The following PCOLCE2 variants were observed in gnomAD, a reference collection of about 807,000 sequenced individuals.
The protein encoded by PCOLCE2 is procollagen C-proteinase enhancer 2.
A neutral mutation model predicts 47.0 loss-of-function variants in PCOLCE2; 42 were observed. The ratio of observed to expected loss-of-function variants is 0.89; its 90% CI spans 0.70 to 1.16. PCOLCE2 has a LOEUF of 1.16. Among genes scored for constraint, PCOLCE2 ranks in the 50% most tolerant of loss-of-function variants. The pLI is 0.00. For missense variants in PCOLCE2, 500 were observed against 526.1 expected (o/e 0.95, Z 0.49); for synonymous variants, 169 against 191.7 (o/e 0.88, Z 0.98).
intron 7 of PCOLCE2, 66 bp from the exon 8 acceptor site, chr3:142,821,111 A>C: frequency 8.0e-7 from 1 of 1,244,022 alleles, no homozygotes; most frequent in Admixed American, 1.8e-5. Context: ...CTGAAAAACA[A>C]GTTTACATTC....
chr3:142,853,562 C>T (rs1189743887), intron 2 of PCOLCE2, among the ~76,000 whole-genome samples: 1 of 152,208 alleles, frequency 6.6e-6, no homozygotes, highest in Non-Finnish European at 1.5e-5. Context: ...CAATGAATCA[C>T]CGGCCTCCTT....
At chr3:142,836,742 A>G (rs1341383410) in intron 5 of PCOLCE2, among the ~76,000 whole-genome samples, 1 of 152,004 alleles carries the variant, frequency 6.6e-6, no homozygotes, top group Admixed American at 6.6e-5. Flanking sequence ...TTAATTTGGG[A>G]GAACTTAGGT....
At chr3:142,887,618 A>G (rs41267849) in intron 2 of PCOLCE2, 51 bp downstream of exon 2, 68 of 903,322 alleles carry the variant, frequency 7.5e-5, no homozygotes, top group Non-Finnish European at 1.2e-4. Flanking sequence ...GCAGCCTCAC[A>G]CTGTTGCCAA....
intron 2 of PCOLCE2, 119 bp downstream of exon 2, chr3:142,887,550 T>C: frequency 1.3e-5 from 8 of 637,716 alleles, no homozygotes; most frequent in Non-Finnish European, 2.3e-5. Flanking sequence ...AAATCCAACA[T>C]TTCACTATTT....
intron 8 of PCOLCE2, 66 bp from the exon 9 acceptor site, chr3:142,818,531 G>C: frequency 3.0e-5 from 34 of 1,132,302 alleles, no homozygotes; most frequent in Non-Finnish European, 4.4e-5. Context: ...AACTTAGACT[G>C]TAAGTTACCT....
In PCOLCE2 at chr3:142,887,768, G is replaced by T; in HGVS notation, c.93C>A (p.Phe31Leu). Residue 31 changes from phenylalanine (F) to leucine (L), a missense_variant, in exon 2 of 9, where the codon TTC (phenylalanine) becomes TTA (leucine). Coordinates refer to ENST00000295992, the MANE Select transcript of PCOLCE2 (RefSeq NM_013363.4). Reference protein sequence around the residue: ...SRQQSPERPVFTCGGILTGES... With the variant: ...SRQQSPERPVLTCGGILTGES... ...CTCCAGTAAGAATGCCACCACATGT[G>T]AAAACAGGTCTGGGAACATAAAAGA... 6.3e-7 allele frequency: 1 copy of T among 1,580,662 alleles called. No individual in the cohort carries two copies. Among genetic ancestry groups the T allele is most frequent in the Non-Finnish European group, 8.7e-7 (1 of 1,149,786 alleles).
At chr3:142,837,033 C>T in intron 5 of PCOLCE2, among the ~76,000 whole-genome samples, 1 of 152,140 alleles carries the variant, frequency 6.6e-6, no homozygotes, top group East Asian at 1.9e-4. Context: ...CCTAGGTAGG[C>T]CCTAAATGTA....
rs573314901 is a variant in PCOLCE2 at position 142,879,421 on chromosome 3, C to A, written c.192+8248G>T. 1.3e-4 allele frequency among the ~76,000 whole-genome samples: 20 copies of A among 152,078 alleles called. No individual in the cohort carries two copies. In the South Asian group the frequency reaches 2.9e-3, roughly 22 times the overall value. ...TCAATCAATAAAAACACTTGATTTC[C>A]GTGTGAAAGAGCAAAGAAAAAGAAA... is the stretch of plus-strand genomic sequence containing the variant. On this transcript the variant is annotated intron_variant, in intron 2 of 8. Coordinates refer to ENST00000295992, the MANE Select transcript of PCOLCE2 (RefSeq NM_013363.4).
In PCOLCE2 at chr3:142,848,311, A is replaced by G. The variant is rs1560134940; in HGVS notation, c.354T>C (p.Ser118=). 1.2e-6 allele frequency: 2 copies of G among 1,614,194 alleles called. No individual in the cohort carries two copies. The change falls in exon 3 of 9, where the codon AGT becomes AGC. Residue 118 remains serine, a synonymous_variant. Transcript: ENST00000295992. Reference sequence around the variant, plus strand: ...TCATCTGCACCATCATCTTGTTGCCACTGGACACAAGGGCTCCAGGCCGGA... The same window carrying G: ...TCATCTGCACCATCATCTTGTTGCCGCTGGACACAAGGGCTCCAGGCCGGA... The part of the protein sequence containing the change: ...GTFRPGALVS[S]GNKMMVQMIS...
rs1434936642 is a variant in PCOLCE2, at chr3:142,859,593, G to A, written c.193-11121C>T. Among the ~76,000 whole-genome samples, 4 of 148,686 alleles carry A rather than the reference G, an allele frequency of 2.7e-5. No individual in the cohort carries two copies. The South Asian group carries it at 8.5e-4, about 32-fold the overall frequency. On this transcript the variant is annotated intron_variant, in intron 2 of 8. Coordinates refer to ENST00000295992, the MANE Select transcript of PCOLCE2 (RefSeq NM_013363.4). ...TTTTTTTTTGAGACGAAGTCTCTCT[G>A]TGTCATTCAGGCTGGAGTGTGGAGT...
At chr3:142,884,651 G>C (rs978058116) in intron 2 of PCOLCE2, among the ~76,000 whole-genome samples, 1 of 152,212 alleles carries the variant, frequency 6.6e-6, no homozygotes, top group African/African-American at 2.4e-5. Context: ...AACTCTTGGT[G>C]ATAAAGCTGA....
intron 2 of PCOLCE2, among the ~76,000 whole-genome samples, chr3:142,870,439 T>C (rs1933367211): frequency 6.6e-6 from 1 of 152,186 alleles, no homozygotes; most frequent in Non-Finnish European, 1.5e-5. Flanking sequence ...TAGGGTTTTG[T>C]GCAATAATAA....
chr3:142,838,652 A>G, intron 5 of PCOLCE2, 118 bp downstream of exon 5: 1 of 889,948 alleles, frequency 1.1e-6, no homozygotes, highest in Non-Finnish European at 1.8e-6. Context: ...AGGACCCAAT[A>G]ATTTAACAAA....
At chr3:142,850,225 A>C (rs1937375038) in intron 2 of PCOLCE2, among the ~76,000 whole-genome samples, 1 of 152,238 alleles carries the variant, frequency 6.6e-6, no homozygotes, top group Non-Finnish European at 1.5e-5. Flanking sequence ...AAGTTATCAA[A>C]ATATGATGCC....
intron 2 of PCOLCE2, among the ~76,000 whole-genome samples, chr3:142,860,349 C>T (rs1933154230): frequency 6.6e-6 from 1 of 152,176 alleles, no homozygotes; most frequent in Non-Finnish European, 1.5e-5. Context: ...TTCATGACTA[C>T]AGCCACATGA....
intron 6 of PCOLCE2, among the ~76,000 whole-genome samples, chr3:142,824,005 A>C (rs1056220774): frequency 1.3e-5 from 2 of 152,252 alleles, no homozygotes; most frequent in African/African-American, 4.8e-5. Context: ...TACAAAAGGA[A>C]TCATAGGGTG....
rs1937280678 is a variant in PCOLCE2 at position 142,842,934 on chromosome 3, G to A, written c.563C>T (p.Pro188Leu). ...TCCAGGGAATCTCACCTGATTCTTT[G>A]GGGCTACAATGTGCCACACACAAGT... is the stretch of plus-strand genomic sequence containing the variant. ...GVTCVWHIVA[P>L]KNQLIELKFE... The change falls in exon 4 of 9, where the codon CCA becomes CTA. Residue 188 changes from proline (P) to leucine (L), a missense_variant. Transcript: ENST00000295992. This position sits in a 1 kb window ranked among gnomAD's most constrained non-coding sequence, Gnocchi z 4.1. 3.1e-6 allele frequency: 5 copies of A among 1,613,994 alleles called. No individual in the cohort carries two copies. The East Asian group carries it at 1.1e-4, about 36-fold the overall frequency.
intron 2 of PCOLCE2, chr3:142,864,564 G>A (rs1344780132): frequency 6.6e-6 from 1 of 152,110 alleles, no homozygotes; most frequent in Non-Finnish European, 1.5e-5. Flanking sequence ...ACATTTCAAC[G>A]ATTCTTAGAA....
intron 3 of PCOLCE2, among the ~76,000 whole-genome samples, chr3:142,846,364 AT>A (rs2108196333): frequency 6.6e-6 from 1 of 151,908 alleles, no homozygotes; most frequent in East Asian, 1.9e-4. Context: ...TGCCTGGCTA[AT>A]TTTTTTGTAT....
Sources: allele counts gnomAD v4.1 joint callset (sites outside exome capture counted in the v4.1 genomes callset), GRCh38; gene constraint gnomAD v4.1.1; non-coding constraint Gnocchi (gnomAD v3.1); transcripts MANE v1.5; gene names NCBI Gene and HGNC (gene_info 2026-07-23, HGNC 2026-07-21).